RAI14: variants seen among roughly 807,000 people sequenced by gnomAD.
The protein encoded by RAI14 is ankycorbin.
Under a neutral mutation model 115.4 loss-of-function variants are expected in RAI14, and 45 were observed. The observed-to-expected ratio is 0.39, with a 90% confidence interval of 0.31 to 0.50. The LOEUF (loss-of-function observed/expected upper bound fraction) is 0.50. Among genes scored for constraint, RAI14 ranks in the 20% least tolerant of loss-of-function variants. RAI14 has a pLI of 0.85. For synonymous variants in RAI14, 371 were observed against 415.4 expected (o/e 0.89, Z 1.30); for missense variants, 939 against 1,131.2 (o/e 0.83, Z 2.44).
intron 2 of RAI14, among the ~76,000 whole-genome samples, chr5:34,729,640 A>T (rs72730547): frequency 0.033 from 4,970 of 152,240 alleles, 111 homozygotes; most frequent in South Asian, 0.07. Context: ...AAGATAGGAA[A>T]ACATGTTAAA....
rs569542555 is a variant in RAI14 at position 34,750,256 on chromosome 5, C to A, written c.37-7212C>A. Among the ~76,000 whole-genome samples the A allele has an allele frequency of 1.1e-4, 16 of 151,958 alleles. No individual in the cohort carries two copies. In the East Asian group the frequency reaches 3.1e-3, roughly 29 times the overall value. On this transcript the variant is annotated intron_variant, in intron 2 of 17. Transcript: ENST00000265109. ...AACTGGAATTTCAACTCAATAGCAC[C>A]GAACTCTGAAGTCTGTCTCTTCTTT...
chr5:34,737,246 A>G (rs1216824730), intron 2 of RAI14, among the ~76,000 whole-genome samples: 1 of 112,590 alleles, frequency 8.9e-6, no homozygotes, highest in Non-Finnish European at 2.0e-5. Flanking sequence ...AAGCACACAG[A>G]TACTCCTAAT....
chr5:34,824,098 C>A lies in RAI14; in HGVS notation c.2256C>A (p.Ser752Arg). Residue 752 changes from serine to arginine, a missense_variant, in exon 15 of 18, where the codon AGC becomes AGA. Coordinates refer to ENST00000265109, the MANE Select transcript of RAI14 (RefSeq NM_015577.3). ...TAAKEMEEKI[S>R]NLKEHLASKE... ...CAAAAGAGATGGAAGAAAAAATAAG[C>A]AATCTTAAGGAACACCTTGCAAGCA... 1 of 1,614,110 alleles carries A rather than the reference C, an allele frequency of 6.2e-7. No homozygotes were observed. The highest frequency in any genetic ancestry group is 2.2e-5 in the East Asian group (1 of 44,880).
At chr5:34,723,110 A>AAAC (rs908398785) in intron 2 of RAI14, among the ~76,000 whole-genome samples, 2 of 151,442 alleles carry the variant, frequency 1.3e-5, no homozygotes, top group Admixed American at 6.6e-5. Context: ...AAAAAAAAAA[A>AAAC]AAAAAAAACC....
rs892946761 is a variant in RAI14 at position 34,700,236 on chromosome 5, G to C, written c.36+13281G>C. On this transcript the variant is annotated intron_variant, in intron 2 of 17. Transcript: ENST00000265109. ...CCCCTGGGTGGTGGTTTCTGATGCT[G>C]GGTTCAGGTCTTTGGGAGTTGTAGG... Among the ~76,000 whole-genome samples the C allele has an allele frequency of 2.0e-5, 3 of 152,336 alleles. No individual in the cohort carries two copies. In the South Asian group the frequency reaches 6.2e-4, roughly 32 times the overall value.
intron 2 of RAI14, among the ~76,000 whole-genome samples, chr5:34,691,719 A>C (rs948712850): frequency 6.6e-6 from 1 of 152,172 alleles, no homozygotes; most frequent in African/African-American, 2.4e-5. Flanking sequence ...GTGTGTGCTT[A>C]ATTTTACGAA....
At position 34,823,008 on chromosome 5, in the gene RAI14, C is replaced by G; in HGVS notation, c.1166C>G (p.Ser389Cys). 6.2e-7 allele frequency: 1 copy of G among 1,614,038 alleles called. No individual in the cohort carries two copies. ...GACCTAAGCTTTGACTCATACCATT[C>G]CACCCAAACTGACTTGGGCCCATCC... The part of the protein sequence containing the change: ...EADLSFDSYH[S>C]TQTDLGPSLG... The change falls in exon 15 of 18, where the codon TCC (serine) becomes TGC (cysteine). Residue 389 changes from serine to cysteine, a missense_variant. Coordinates refer to ENST00000265109, the MANE Select transcript of RAI14 (RefSeq NM_015577.3). This position sits in a 1 kb window ranked among gnomAD's most constrained non-coding sequence, Gnocchi z 4.5.
At chr5:34,687,942 CT>C in intron 2 of RAI14, 1 of 967,780 alleles carries the variant, frequency 1.0e-6, no homozygotes, top group Non-Finnish European at 1.5e-6. Flanking sequence ...TGACATGTAA[CT>C]TACTGCCCTG....
intron 2 of RAI14, among the ~76,000 whole-genome samples, chr5:34,715,699 G>A (rs1048800862): frequency 1.3e-5 from 2 of 151,982 alleles, no homozygotes; most frequent in Non-Finnish European, 2.9e-5. Flanking sequence ...CACCCTTCAT[G>A]TGTTACCTGT....
At chr5:34,737,751 CCT>C (rs1745046958) in intron 2 of RAI14, among the ~76,000 whole-genome samples, 1 of 151,990 alleles carries the variant, frequency 6.6e-6, no homozygotes, top group Admixed American at 6.6e-5. Context: ...AGAGTGAGAC[CCT>C]CTCTCAAAAA....
chr5:34,812,061 A>G, intron 9 of RAI14, 116 bp downstream of exon 9: 4 of 1,225,246 alleles, frequency 3.3e-6, no homozygotes, highest in Admixed American at 5.1e-5. Context: ...CATATTCTTG[A>G]AAAAAAAAGG....
At chr5:34,739,393 C>A (rs1465384855) in intron 2 of RAI14, among the ~76,000 whole-genome samples, 1 of 152,106 alleles carries the variant, frequency 6.6e-6, no homozygotes, top group East Asian at 1.9e-4. Context: ...TACTGCATTT[C>A]AAAAGGCGGG....
intron 2 of RAI14, among the ~76,000 whole-genome samples, chr5:34,736,626 T>C (rs1271870653): frequency 2.0e-5 from 3 of 152,082 alleles, no homozygotes; most frequent in African/African-American, 7.2e-5. Context: ...TGGTCTCAAA[T>C]TCCTGAGCTC....
chr5:34,687,613 C>T, intron 2 of RAI14: 2 of 1,540,282 alleles, frequency 1.3e-6, no homozygotes, highest in Non-Finnish European at 1.8e-6. Context: ...TAAAAGGTCA[C>T]CCCATAAACC....
chr5:34,748,958 T>A (rs1746657495), intron 2 of RAI14, among the ~76,000 whole-genome samples: 1 of 152,190 alleles, frequency 6.6e-6, no homozygotes, highest in Middle Eastern at 3.2e-3. Flanking sequence ...ACCCTGCACC[T>A]AGTAGATACA....
chr5:34,732,513 A>T (rs1436515519), intron 2 of RAI14, among the ~76,000 whole-genome samples: 2 of 145,722 alleles, frequency 1.4e-5, no homozygotes, highest in Non-Finnish European at 3.0e-5. Flanking sequence ...ATCTTGGCTC[A>T]CTGCACCCTC....
At position 34,812,114 on chromosome 5, in the gene RAI14, C is replaced by T. The variant is rs1038171849; in HGVS notation, c.737-66C>T. ...TATATGGTGTATGTGTGTGTATCCC[C>T]CCACCCAAAGTGAATATGAATCATT... On this transcript the variant is annotated intron_variant, in intron 9 of 17. Transcript: ENST00000265109. The T allele has an allele frequency of 2.0e-5, 28 of 1,435,790 alleles. No individual in the cohort carries two copies. The Middle Eastern group carries it at 6.4e-4, about 33-fold the overall frequency. The allele number at this position is 1,435,790 out of a possible 1,614,324, so 88.9% of individuals were successfully genotyped here.
chr5:34,663,481 C>T (rs1742859214), intron 1 of RAI14, among the ~76,000 whole-genome samples: 1 of 152,188 alleles, frequency 6.6e-6, no homozygotes, highest in African/African-American at 2.4e-5. Context: ...CTTACCACTA[C>T]ACTCCAGCAT....
intron 1 of RAI14, among the ~76,000 whole-genome samples, chr5:34,662,166 T>C (rs1426474321): frequency 2.0e-5 from 3 of 152,204 alleles, no homozygotes; most frequent in Non-Finnish European, 4.4e-5. Context: ...CCTGACTTTG[T>C]GCTTTTATCT....
Sources: gnomAD v4.1 joint callset for allele counts (sites outside exome capture counted in the v4.1 genomes callset) on GRCh38, gnomAD v4.1.1 for gene constraint, Gnocchi (gnomAD v3.1) non-coding constraint, MANE v1.5 for transcripts, NCBI Gene and HGNC (gene_info 2026-07-23, HGNC 2026-07-21) for gene names.